ZNF730: variants seen among roughly 807,000 people sequenced by gnomAD.
ZNF730 encodes putative zinc finger protein 730.
Under a neutral mutation model 12.6 loss-of-function variants are expected in ZNF730, and 12 were observed. The ratio of observed to expected loss-of-function variants is 0.95; its 90% CI spans 0.61 to 1.54. ZNF730 has a LOEUF of 1.54. Among genes scored for constraint, ZNF730 ranks in the 40% most tolerant of loss-of-function variants. ZNF730 has a pLI of 0.00. For synonymous variants in ZNF730, 194 were observed against 195.8 expected (o/e 0.99, Z 0.08); for missense variants, 643 against 583.5 (o/e 1.10, Z -1.05).
chr19:23,098,674 T>C (rs926468744), intron 1 of ZNF730, among the ~76,000 whole-genome samples: 1 of 152,054 alleles, frequency 6.6e-6, no homozygotes, highest in Non-Finnish European at 1.5e-5. Flanking sequence ...TAGGAAGAAA[T>C]GGTAACATAC....
In ZNF730 at chr19:23,146,750, C is replaced by T. The variant is rs1971021424; in HGVS notation, c.*194C>T. The T allele has an allele frequency of 8.4e-7, 1 of 1,195,944 alleles. No individual in the cohort carries two copies. Among genetic ancestry groups the T allele is most frequent in the Non-Finnish European group, 1.2e-6 (1 of 802,916 alleles). The allele number at this position is 1,195,944 out of a possible 1,614,324, so 74.1% of individuals were successfully genotyped here. A position where few individuals can be genotyped will look rare whatever the true frequency, so the allele number is the denominator to read the frequency against. ...AATGTGAAGAATGTGGCAAAGTCTT[C>T]AACCAATCTTCACACCTTACTACAC... is the stretch of plus-strand genomic sequence containing the variant. On this transcript the variant is annotated 3_prime_UTR_variant, in exon 4 of 4. Transcript: ENST00000597761.
At chr19:23,107,385 C>T (rs972825446) in intron 1 of ZNF730, among the ~76,000 whole-genome samples, 22 of 143,354 alleles carry the variant, frequency 1.5e-4, no homozygotes, top group Admixed American at 4.3e-4. Flanking sequence ...TGACACCCAC[C>T]TCAGACTTCC....
chr19:23,110,908 T>C (rs979045519), intron 1 of ZNF730, among the ~76,000 whole-genome samples: 1 of 152,238 alleles, frequency 6.6e-6, no homozygotes, highest in Non-Finnish European at 1.5e-5. Flanking sequence ...GCCATTTGAA[T>C]GAACTCTGTG....
At chr19:23,081,147 C>CT (rs1969960007) in intron 1 of ZNF730, among the ~76,000 whole-genome samples, 1 of 149,742 alleles carries the variant, frequency 6.7e-6, no homozygotes, top group Non-Finnish European at 1.5e-5. Context: ...TACTAGACCT[C>CT]TTTTTTTCTT....
At chr19:23,115,411 G>A (rs547884558), upstream of ZNF730, among the ~76,000 whole-genome samples, 9 of 152,088 alleles carry the variant, frequency 5.9e-5, no homozygotes, top group Non-Finnish European at 1.2e-4. Flanking sequence ...TATATCCTTT[G>A]CCACGTGCTT....
chr19:23,093,686 G>A (rs988737613), intron 1 of ZNF730, among the ~76,000 whole-genome samples: 7 of 152,182 alleles, frequency 4.6e-5, no homozygotes, highest in African/African-American at 9.6e-5. Context: ...AGAGGTAGCC[G>A]TCTTGGTCCC....
At chr19:23,123,056 T>C (rs1183387298) in intron 1 of ZNF730, 1 of 152,202 alleles carries the variant, frequency 6.6e-6, no homozygotes, top group African/African-American at 2.4e-5. Context: ...TGAATTTGAA[T>C]GCTGCTTTTA....
intron 3 of ZNF730, among the ~76,000 whole-genome samples, chr19:23,138,607 T>C (rs1346750155): frequency 6.6e-6 from 1 of 152,220 alleles, no homozygotes; most frequent in Non-Finnish European, 1.5e-5. Context: ...TTTTCTGGTC[T>C]GTAGCCAAGA....
intron 1 of ZNF730, among the ~76,000 whole-genome samples, chr19:23,097,401 A>G (rs1035871150): frequency 1.2e-4 from 18 of 151,848 alleles, no homozygotes; most frequent in African/African-American, 4.3e-4. Context: ...TATATTGCTG[A>G]TTTCATACCG....
At chr19:23,136,872 G>C (rs754981385) in intron 3 of ZNF730, among the ~76,000 whole-genome samples, 3 of 151,924 alleles carry the variant, frequency 2.0e-5, no homozygotes, top group Non-Finnish European at 2.9e-5. Flanking sequence ...AGACACCTTA[G>C]ATAACAAGGC....
At chr19:23,108,480 A>G (rs562173960) in intron 1 of ZNF730, among the ~76,000 whole-genome samples, 1 of 152,286 alleles carries the variant, frequency 6.6e-6, no homozygotes, top group South Asian at 2.1e-4. Flanking sequence ...GGATTTTGAA[A>G]AGCAGCGCTG....
chr19:23,099,302 A>C (rs1249917074), intron 1 of ZNF730, among the ~76,000 whole-genome samples: 2 of 152,090 alleles, frequency 1.3e-5, no homozygotes, highest in Non-Finnish European at 1.5e-5. Flanking sequence ...ATAAGATCAT[A>C]GGTCCATAGC....
chr19:23,090,737 C>A (rs1970143973), intron 1 of ZNF730, among the ~76,000 whole-genome samples: 1 of 152,122 alleles, frequency 6.6e-6, no homozygotes, highest in Non-Finnish European at 1.5e-5. Context: ...TGGCTCATGC[C>A]TGTAATCCCA....
At chr19:23,099,363 C>T (rs1306848242) in intron 1 of ZNF730, among the ~76,000 whole-genome samples, 2 of 152,154 alleles carry the variant, frequency 1.3e-5, no homozygotes, top group African/African-American at 2.4e-5. Flanking sequence ...ATATAAAGCC[C>T]TCAAATGGTA....
Position 23,093,765 on chromosome 19 carries a change from C to G in ZNF730, c.-94+18378C>G, listed in dbSNP as rs192289723. Among the ~76,000 whole-genome samples, 550 of 152,346 alleles carry G rather than the reference C, an allele frequency of 3.6e-3. 4 individuals carry two copies. The highest frequency in any genetic ancestry group is 0.013 in the African/African-American group (525 of 41,584). On this transcript the variant is annotated intron_variant, in intron 1 of 2. Transcript: ENST00000593635. ...TCCCTGCACTTGAGCCCTTCCTCCT[C>G]TTTCCACCACCTACGGTTGATCAAC...
intron 1 of ZNF730, among the ~76,000 whole-genome samples, chr19:23,094,716 C>G (rs1970221308): frequency 6.6e-6 from 1 of 152,058 alleles, no homozygotes; most frequent in South Asian, 2.1e-4. Context: ...TCAGGTGATC[C>G]ACCCACCTCG....
intron 3 of ZNF730, among the ~76,000 whole-genome samples, chr19:23,138,008 G>GTTT (rs1970857825): frequency 0.022 from 363 of 16,304 alleles, 10 homozygotes; most frequent in East Asian, 0.064. Context: ...TCACGGCCGG[G>GTTT]CGCGGTGGCT....
intron 1 of ZNF730, among the ~76,000 whole-genome samples, chr19:23,085,834 TTC>T (rs1378606889): frequency 7.8e-6 from 1 of 127,592 alleles, no homozygotes; most frequent in African/African-American, 3.3e-5. Context: ...CAATTTTTTT[TTC>T]TTTTTTTTTT....
Position 23,146,356 on chromosome 19 carries a change from A to G in ZNF730, c.1312A>G (p.Thr438Ala). Residue 438 changes from threonine (T) to alanine (A), a missense_variant, in exon 4 of 4, where the codon ACC (threonine) becomes GCC (alanine). Physicochemically the swap from Thr to Ala is moderately conservative, Grantham distance 58. Transcript: ENST00000597761. ...ECGRAFNQSS[T>A]LTTHKRIHTG... ...TGGCAGAGCTTTCAACCAGTCCTCA[A>G]CCCTTACTACACATAAAAGAATTCA... 6.2e-7 allele frequency: 1 copy of G among 1,613,274 alleles called. No individual in the cohort carries two copies. The highest frequency in any genetic ancestry group is 8.5e-7 in the Non-Finnish European group (1 of 1,179,762).
Sources: gnomAD v4.1 joint callset for allele counts (sites outside exome capture counted in the v4.1 genomes callset) on GRCh38, gnomAD v4.1.1 for gene constraint, MANE v1.5 for transcripts, NCBI Gene and HGNC (gene_info 2026-07-23, HGNC 2026-07-21) for gene names.